LEMD3: variants seen among roughly 807,000 people sequenced by gnomAD.
The protein encoded by LEMD3 is LEM domain containing 3.
LEMD3 carries 33 observed loss-of-function variants against 95.2 expected under a neutral mutation model. That is an observed-to-expected ratio of 0.35 (90% CI 0.26 to 0.46). The LOEUF (loss-of-function observed/expected upper bound fraction) is 0.46, where lower values mean the gene tolerates loss of function less well. Among genes scored for constraint, LEMD3 ranks in the 20% least tolerant of loss-of-function variants. The pLI, the probability that LEMD3 is intolerant of heterozygous loss-of-function variation, is 1.00. For synonymous variants in LEMD3, 525 were observed against 474.6 expected, an observed-to-expected ratio of 1.11 and a Z score of -1.38; for missense variants, 1,210 against 1,192.8, an observed-to-expected ratio of 1.01 and a Z score of -0.21.
chr12:65,206,072 T>A (rs1269204178), intron 1 of LEMD3, among the ~76,000 whole-genome samples: 1 of 152,126 alleles, frequency 6.6e-6, no homozygotes, highest in East Asian at 1.9e-4. Flanking sequence ...TGGATGATAG[T>A]GAAATGCAGA....
intron 1 of LEMD3, among the ~76,000 whole-genome samples, chr12:65,174,644 C>CTGTG (rs147473823): frequency 2.0e-5 from 3 of 151,080 alleles, no homozygotes; most frequent in Non-Finnish European, 3.0e-5. Context: ...AAATACATCT[C>CTGTG]TGTGTGTGTG....
At chr12:65,197,528 A>C (rs571384648) in intron 1 of LEMD3, among the ~76,000 whole-genome samples, 2 of 152,266 alleles carry the variant, frequency 1.3e-5, no homozygotes, top group East Asian at 3.9e-4. Flanking sequence ...ACTTTACCAC[A>C]TAATGTAACT....
chr12:65,184,038 A>T (rs1868986569), intron 1 of LEMD3, among the ~76,000 whole-genome samples: 2 of 152,172 alleles, frequency 1.3e-5, no homozygotes, highest in African/African-American at 4.8e-5. Context: ...TTTTGTCTGG[A>T]TGAAGAAGTT....
intron 1 of LEMD3, among the ~76,000 whole-genome samples, chr12:65,209,378 G>A (rs980814370): frequency 2.0e-5 from 3 of 151,840 alleles, no homozygotes; most frequent in Admixed American, 6.6e-5. Context: ...TTTAAGAATT[G>A]TTCTTATAAA....
Position 65,170,458 on chromosome 12 carries a change from C to A in LEMD3, c.862C>A (p.Arg288=), listed in dbSNP as rs144086377. The change falls in exon 1 of 13, where the codon CGA becomes AGA. Residue 288 remains arginine, a synonymous_variant. Transcript: ENST00000308330. Reference sequence around the variant, plus strand: ...CTCCCTTTCCCGGCATCGGCCCAGACGAACCCATAGTAAGCCTCTCCCCCC... The same window carrying A: ...CTCCCTTTCCCGGCATCGGCCCAGAAGAACCCATAGTAAGCCTCTCCCCCC... ...DDSLSRHRPR[R]THSKPLPPLT... is the part of the protein sequence containing the mutation. 4 of 1,613,694 alleles carry A rather than the reference C, an allele frequency of 2.5e-6. No individual in the cohort carries two copies. The highest frequency in any genetic ancestry group is 3.4e-6 in the Non-Finnish European group (4 of 1,179,938).
chr12:65,216,201 A>G (rs1328880394), intron 3 of LEMD3, among the ~76,000 whole-genome samples, 158 bp downstream of exon 3: 1 of 151,734 alleles, frequency 6.6e-6, no homozygotes, highest in Non-Finnish European at 1.5e-5. Flanking sequence ...TGATTTTTAC[A>G]TATGTATTTA....
rs375079599 is a variant in LEMD3, at chr12:65,171,110, A to G, written c.1514A>G (p.Glu505Gly). 2 of 1,611,278 alleles carry G rather than the reference A, an allele frequency of 1.2e-6. No homozygotes were observed. The highest frequency in any genetic ancestry group is 1.1e-5 in the South Asian group (1 of 91,074). ...GGGACAGGAGTATCTGAGGATGGAG[A>G]ACTCAGCAGTAAGTATTAAATCCTG... ...MRGTGVSEDGELSIENPFGET... is the reference protein window; with the variant it reads ...MRGTGVSEDGGLSIENPFGET... The change falls in exon 1 of 13, where the codon GAA becomes GGA. Residue 505 changes from glutamate (E) to glycine (G), a missense_variant. Glu to Gly is a moderately conservative substitution (Grantham distance 98, BLOSUM62 -2). Transcript: ENST00000308330.
chr12:65,179,984 G>A (rs890878165), intron 1 of LEMD3, among the ~76,000 whole-genome samples: 11 of 151,486 alleles, frequency 7.3e-5, no homozygotes, highest in Non-Finnish European at 1.6e-4. Flanking sequence ...TTGTTCTCTC[G>A]CCCAGGCTGG....
chr12:65,210,146 G>A (rs1297702925), intron 1 of LEMD3, among the ~76,000 whole-genome samples: 1 of 151,914 alleles, frequency 6.6e-6, no homozygotes, highest in African/African-American at 2.4e-5. Flanking sequence ...GGGGCATAGG[G>A]GTTGGATGGA....
rs1352661201 is a variant in LEMD3 at position 65,169,617 on chromosome 12, G to A, written c.21G>A (p.Ser7=). Residue 7 remains serine, a synonymous_variant, in exon 1 of 13, where the codon TCG becomes TCA. Coordinates refer to ENST00000308330, the MANE Select transcript of LEMD3 (RefSeq NM_014319.5). ...AGAAAATGGCGGCGGCAGCAGCTTC[G>A]GCGCCTCAGCAGCTCTCGGATGAGG... MAAAAA[S]APQQLSDEEL... 1 of 1,588,286 alleles carries A rather than the reference G, an allele frequency of 6.3e-7. No individual in the cohort carries two copies. Among genetic ancestry groups the A allele is most frequent in the Non-Finnish European group, 8.5e-7 (1 of 1,169,632 alleles).
intron 1 of LEMD3, among the ~76,000 whole-genome samples, chr12:65,205,980 A>C (rs1869750481): frequency 6.6e-6 from 1 of 152,178 alleles, no homozygotes. Flanking sequence ...CAATTAGAGA[A>C]CTTTCAGAAA....
intron 4 of LEMD3, among the ~76,000 whole-genome samples, chr12:65,225,365 G>C (rs900608488): frequency 2.0e-5 from 3 of 152,164 alleles, no homozygotes; most frequent in Admixed American, 6.5e-5. Flanking sequence ...TGTGGGGAAA[G>C]TCTTTTACCA....
At chr12:65,209,036 C>T (rs887273795) in intron 1 of LEMD3, among the ~76,000 whole-genome samples, 1 of 152,114 alleles carries the variant, frequency 6.6e-6, no homozygotes, top group African/African-American at 2.4e-5. Context: ...AACACTTTTG[C>T]TTCAGTGTTA....
chr12:65,216,336 C>G (rs1360066272), intron 3 of LEMD3, among the ~76,000 whole-genome samples: 2 of 151,844 alleles, frequency 1.3e-5, no homozygotes, highest in African/African-American at 4.8e-5. Context: ...GCTTAAGTAT[C>G]AGAGGAATTA....
At chr12:65,189,684 A>G (rs770584661) in intron 1 of LEMD3, among the ~76,000 whole-genome samples, 2 of 152,192 alleles carry the variant, frequency 1.3e-5, no homozygotes, top group Admixed American at 1.3e-4. Context: ...AGATAATCAC[A>G]ATAAGACTAA....
intron 8 of LEMD3, 131 bp from the exon 9 acceptor site, chr12:65,240,777 TA>T (rs1870911873): frequency 1.3e-6 from 1 of 784,826 alleles, no homozygotes; most frequent in Non-Finnish European, 2.1e-6. Context: ...TATAGGCATC[TA>T]AATCTTCTTT....
intron 6 of LEMD3, among the ~76,000 whole-genome samples, chr12:65,239,447 C>A (rs925384313): frequency 6.6e-6 from 1 of 152,068 alleles, no homozygotes. Context: ...ACTTGGGAAG[C>A]TGAGGTAGGA....
chr12:65,186,297 C>T (rs1390462604), intron 1 of LEMD3, among the ~76,000 whole-genome samples: 5 of 151,886 alleles, frequency 3.3e-5, no homozygotes, highest in African/African-American at 1.2e-4. Flanking sequence ...ACTTGCGGAG[C>T]AAGCATTACT....
chr12:65,178,447 C>T (rs1868797146), intron 1 of LEMD3, among the ~76,000 whole-genome samples: 1 of 152,180 alleles, frequency 6.6e-6, no homozygotes. Flanking sequence ...ATCAGAGAAC[C>T]TGGGCTTCAA....
Sources: allele counts gnomAD v4.1 joint callset (sites outside exome capture counted in the v4.1 genomes callset), GRCh38; gene constraint gnomAD v4.1.1; transcripts MANE v1.5; gene names NCBI Gene and HGNC (gene_info 2026-07-23, HGNC 2026-07-21).